CCDC77: variants seen among roughly 807,000 people sequenced by gnomAD.
The protein encoded by CCDC77 is coiled-coil domain-containing protein 77.
Under a neutral mutation model 66.8 loss-of-function variants are expected in CCDC77, and 56 were observed. The ratio of observed to expected loss-of-function variants is 0.84; its 90% CI spans 0.68 to 1.05. The LOEUF is 1.05. CCDC77 is among the 50% of genes least tolerant of loss of function. CCDC77 has a pLI of 0.00. For missense variants in CCDC77, 570 were observed against 576.8 expected (o/e 0.99, Z 0.12); for synonymous variants, 196 against 195.2 (o/e 1.00, Z -0.03).
intron 5 of CCDC77, among the ~76,000 whole-genome samples, chr12:423,501 T>TTTG (rs1555145574): frequency 1.9e-5 from 2 of 103,138 alleles, no homozygotes; most frequent in Non-Finnish European, 3.8e-5. Flanking sequence ...TTTGTTTTTT[T>TTTG]TTTTTTTTTT....
chr12:412,349 A>G (rs1391971879), intron 4 of CCDC77, among the ~76,000 whole-genome samples: 1 of 152,214 alleles, frequency 6.6e-6, no homozygotes, highest in Non-Finnish European at 1.5e-5. Context: ...TTGAGTAGTA[A>G]CTGCAGTGCC....
Position 411,815 on chromosome 12 carries a change from C to G in CCDC77, c.107C>G (p.Ser36Ter), listed in dbSNP as rs781370354. Reference protein sequence around the residue: ...GPTKRRGMADSLESTPLPSPE... With the variant: ...GPTKRRGMAD ...ACCAAGAGGAGGGGAATGGCAGATT[C>G]ACTGGAGTCAACCCCCTTGCCTTCC... The change falls in exon 4 of 13, where the codon TCA becomes TGA. Residue 36 changes from serine to a stop codon, truncating the protein, a stop_gained. Transcript: ENST00000239830. LOFTEE classifies it high-confidence loss of function. 3 of 1,613,954 alleles carry G rather than the reference C, an allele frequency of 1.9e-6. No individual in the cohort carries two copies. The highest frequency in any genetic ancestry group is 2.7e-5 in the African/African-American group (2 of 74,882).
intron 9 of CCDC77, among the ~76,000 whole-genome samples, chr12:435,082 G>A (rs11062966): frequency 0.039 from 3,074 of 79,642 alleles, 10 homozygotes; most frequent in East Asian, 0.083. Flanking sequence ...CATGTATTCC[G>A]TTTCCAAATG....
chr12:435,965 C>A (rs891816455), intron 9 of CCDC77, among the ~76,000 whole-genome samples: 3 of 152,028 alleles, frequency 2.0e-5, no homozygotes, highest in African/African-American at 7.2e-5. Context: ...GTCTCAAACT[C>A]CTGGTTTCAA....
At chr12:432,232 C>CTAGG (rs1430653475) in intron 8 of CCDC77, among the ~76,000 whole-genome samples, 1 of 152,146 alleles carries the variant, frequency 6.6e-6, no homozygotes, top group Non-Finnish European at 1.5e-5. Context: ...ATTCACTGGC[C>CTAGG]TAGGGATATG....
At chr12:416,387 A>ATATG (rs1945278801) in intron 4 of CCDC77, among the ~76,000 whole-genome samples, 1 of 42,468 alleles carries the variant, frequency 2.4e-5, no homozygotes, top group South Asian at 1.3e-3. Context: ...GTATATATAT[A>ATATG]TATATATATA....
chr12:415,018 A>G (rs11062845), intron 4 of CCDC77, among the ~76,000 whole-genome samples: 28,973 of 151,960 alleles, frequency 0.19, 3,616 homozygotes, highest in African/African-American at 0.35. Flanking sequence ...CACATTATGT[A>G]TGTATACAAT....
upstream of CCDC77, among the ~76,000 whole-genome samples, chr12:400,263 T>C (rs1007669565): frequency 1.3e-5 from 2 of 152,258 alleles, no homozygotes; most frequent in African/African-American, 4.8e-5. Flanking sequence ...TGGTTTGATC[T>C]TCTATCCAGA....
At chr12:415,479 T>C (rs1945230881) in intron 4 of CCDC77, among the ~76,000 whole-genome samples, 1 of 147,452 alleles carries the variant, frequency 6.8e-6, no homozygotes, top group Non-Finnish European at 1.5e-5. Context: ...TAATAATATG[T>C]TGATATTATT....
At chr12:429,978 GTTTATTTATTTATA>G (rs1945620337) in intron 6 of CCDC77, among the ~76,000 whole-genome samples, 2 of 150,776 alleles carry the variant, frequency 1.3e-5, no homozygotes, top group South Asian at 2.1e-4. Context: ...CTGCAATTTT[GTTTATTTATTTATA>G]TTTATTTATT....
In CCDC77 at chr12:440,920, T is replaced by C. The variant is rs1945846977; in HGVS notation, c.1244T>C (p.Leu415Pro). 1 of 1,613,652 alleles carries C rather than the reference T, an allele frequency of 6.2e-7. No homozygotes were observed. The highest frequency in any genetic ancestry group is 1.3e-5 in the African/African-American group (1 of 74,922). Residue 415 changes from leucine (L) to proline (P), a missense_variant, in exon 12 of 13, where the codon CTG becomes CCG. Physicochemically the swap from Leu to Pro is moderately conservative, Grantham distance 98. Transcript: ENST00000239830. ...RYEALERRRI[L>P]EVEGFKTDIK... ...GAGGCATTGGAGCGTCGACGTATCCTGGAAGTAGAAGGCTTTAAGACAGAT... is the reference window on the plus strand; with the variant it reads ...GAGGCATTGGAGCGTCGACGTATCCCGGAAGTAGAAGGCTTTAAGACAGAT...
At chr12:431,838 T>C (rs760206499) in intron 7 of CCDC77, 28 bp from the exon 8 acceptor site, 1 of 1,454,568 alleles carries the variant, frequency 6.9e-7, no homozygotes, top group Non-Finnish European at 9.6e-7. Context: ...AGTAAAATCT[T>C]CTTGATGGAT....
chr12:409,554 G>C (rs1489457948), intron 3 of CCDC77, 133 bp downstream of exon 3: 1 of 814,608 alleles, frequency 1.2e-6, no homozygotes. Context: ...GTTTCACTCT[G>C]TGCCCAGGAT....
chr12:440,815 G>A (rs367992072), intron 11 of CCDC77, 29 bp from the exon 12 acceptor site: 95 of 1,612,916 alleles, frequency 5.9e-5, no homozygotes, highest in Non-Finnish European at 7.5e-5. Context: ...CCTCACCTTC[G>A]TAAATGCCTT....
chr12:425,034 G>A (rs1021377471), intron 5 of CCDC77, among the ~76,000 whole-genome samples: 1 of 151,398 alleles, frequency 6.6e-6, no homozygotes, highest in Admixed American at 6.6e-5. Flanking sequence ...AGGCTCAGGT[G>A]ATCCTCCTGC....
At chr12:433,040 A>T (rs1222354257) in intron 8 of CCDC77, 134 bp from the exon 9 acceptor site, 1 of 986,212 alleles carries the variant, frequency 1.0e-6, no homozygotes, top group Admixed American at 2.3e-5. Context: ...CTTGAAATGA[A>T]CAAGAGGATT....
chr12:416,361 GTGTGTGTGTGTGTGTGTATA>G (rs1565569047), intron 4 of CCDC77, among the ~76,000 whole-genome samples: 61 of 37,726 alleles, frequency 1.6e-3, no homozygotes, highest in South Asian at 4.6e-3. Flanking sequence ...GTGTGTGTGT[GTGTGTGTGTGTGTGTGTATA>G]TATATATATA....
intron 5 of CCDC77, among the ~76,000 whole-genome samples, chr12:426,088 C>T (rs1591984200): frequency 6.6e-6 from 1 of 152,204 alleles, no homozygotes; most frequent in African/African-American, 2.4e-5. Flanking sequence ...TGGTCTCGAA[C>T]TCCCGACCTC....
intron 2 of CCDC77, among the ~76,000 whole-genome samples, chr12:407,988 C>T (rs963294085): frequency 3.9e-4 from 60 of 151,994 alleles, no homozygotes; most frequent in African/African-American, 1.4e-3. Context: ...GGGGTTTCAC[C>T]GTGTTAGCCA....
Sources: gnomAD v4.1 joint callset for allele counts (sites outside exome capture counted in the v4.1 genomes callset) on GRCh38, gnomAD v4.1.1 for gene constraint, MANE v1.5 for transcripts, NCBI Gene and HGNC (gene_info 2026-07-23, HGNC 2026-07-21) for gene names.